MAP3K20: variants seen among roughly 807,000 people sequenced by gnomAD.
MAP3K20 encodes the protein HCCS-4.
Under a neutral mutation model 85.7 loss-of-function variants are expected in MAP3K20, and 40 were observed. That is an observed-to-expected ratio of 0.47 (90% CI 0.36 to 0.61). The LOEUF is 0.61. MAP3K20 is among the 20% of genes least tolerant of loss of function. The pLI, the probability that MAP3K20 is intolerant of heterozygous loss-of-function variation, is 0.00. For missense variants in MAP3K20, 817 were observed against 961.7 expected, an observed-to-expected ratio of 0.85 and a Z score of 1.99; for synonymous variants, 325 against 327.7, an observed-to-expected ratio of 0.99 and a Z score of 0.09.
At chr2:173,230,325 T>G (rs1574139584) in intron 12 of MAP3K20, among the ~76,000 whole-genome samples, 1 of 151,860 alleles carries the variant, frequency 6.6e-6, no homozygotes, top group South Asian at 2.1e-4. Context: ...GAAAAAAAAG[T>G]GATATTAAAT....
chr2:173,128,940 T>TTTTTTTTTC (rs1688527487), intron 2 of MAP3K20, among the ~76,000 whole-genome samples: 1 of 149,278 alleles, frequency 6.7e-6, no homozygotes. Context: ...TTTTTTTTTT[T>TTTTTTTTTC]GAGGCAGAGT....
intron 14 of MAP3K20, among the ~76,000 whole-genome samples, chr2:173,236,412 G>T (rs1292529132): frequency 1.3e-5 from 2 of 152,030 alleles, no homozygotes; most frequent in African/African-American, 4.8e-5. Flanking sequence ...CCACTAGAGT[G>T]GAGTCAGTGT....
rs1327945881 is a variant in MAP3K20, at chr2:173,199,475, T to C, written c.669+1363T>C. Among the ~76,000 whole-genome samples, 4 of 152,370 alleles carry C rather than the reference T, an allele frequency of 2.6e-5. No homozygotes were observed. In the South Asian group the frequency reaches 6.2e-4, roughly 24 times the overall value. ...GATCTTACACACAGGATGACTGATA[T>C]TGTCGTCATATGAGGAAACACTTGT... On this transcript the variant is annotated intron_variant, in intron 8 of 19. Transcript: ENST00000375213.
At chr2:173,121,956 C>G (rs1481451254) in intron 2 of MAP3K20, among the ~76,000 whole-genome samples, 1 of 152,134 alleles carries the variant, frequency 6.6e-6, no homozygotes, top group Non-Finnish European at 1.5e-5. Context: ...CTTGGGGTGG[C>G]TGGGAAGGAG....
At chr2:173,106,566 A>G (rs1307712168) in intron 2 of MAP3K20, among the ~76,000 whole-genome samples, 1 of 152,214 alleles carries the variant, frequency 6.6e-6, no homozygotes, top group East Asian at 1.9e-4. Context: ...TTCTTCAGCC[A>G]TATTCAGCTC....
At chr2:173,235,528 G>A (rs1385172320) in intron 14 of MAP3K20, among the ~76,000 whole-genome samples, 1 of 152,188 alleles carries the variant, frequency 6.6e-6, no homozygotes, top group Non-Finnish European at 1.5e-5. Context: ...CTGAATAGGC[G>A]AATCCATAGA....
intron 7 of MAP3K20, among the ~76,000 whole-genome samples, chr2:173,197,261 C>G (rs193004538): frequency 1.3e-5 from 2 of 152,234 alleles, no homozygotes; most frequent in East Asian, 3.9e-4. Flanking sequence ...CAGCAGTATT[C>G]CTAGCATCAA....
chr2:173,149,517 A>ATTT (rs1372219472), intron 2 of MAP3K20, among the ~76,000 whole-genome samples: 120 of 124,594 alleles, frequency 9.6e-4, no homozygotes, highest in Non-Finnish European at 1.8e-3. Context: ...TTTTTTTTTA[A>ATTT]AAAAAACCCT....
chr2:173,265,344 A>G (rs893736299), intron 19 of MAP3K20, among the ~76,000 whole-genome samples: 1 of 152,244 alleles, frequency 6.6e-6, no homozygotes, highest in African/African-American at 2.4e-5. Context: ...ATTCACTGAA[A>G]TATAGCTTAC....
At chr2:173,080,598 C>T (rs1686987040) in intron 1 of MAP3K20, among the ~76,000 whole-genome samples, 1 of 152,192 alleles carries the variant, frequency 6.6e-6, no homozygotes, top group South Asian at 2.1e-4. Flanking sequence ...GACCTAATCA[C>T]CTCTTAAAGG....
chr2:173,105,247 T>C (rs1687750848), intron 2 of MAP3K20, among the ~76,000 whole-genome samples: 1 of 152,134 alleles, frequency 6.6e-6, no homozygotes, highest in African/African-American at 2.4e-5. Flanking sequence ...TGTCTGGGGC[T>C]AGGAAGGTTG....
chr2:173,139,437 G>A lies in MAP3K20; in HGVS notation c.160-30368G>A, dbSNP rs557609430. ...AGAAAGTTCTTCTCTGAGTTATTCT[G>A]AGTCTATACCATATGCTGTCTAACA... is the stretch of plus-strand genomic sequence containing the variant. On this transcript the variant is annotated intron_variant, in intron 2 of 19. Transcript: ENST00000375213. Among the ~76,000 whole-genome samples the A allele has an allele frequency of 5.3e-5, 8 of 152,268 alleles. No homozygotes were observed. In the South Asian group the frequency reaches 1.7e-3, roughly 32 times the overall value.
chr2:173,085,515 A>G (rs1403541520), intron 1 of MAP3K20, among the ~76,000 whole-genome samples: 1 of 152,096 alleles, frequency 6.6e-6, no homozygotes, highest in African/African-American at 2.4e-5. Flanking sequence ...GAAAACTTTA[A>G]ATTAAAAATT....
At chr2:173,254,021 A>C (rs1685100094) in intron 16 of MAP3K20, among the ~76,000 whole-genome samples, 1 of 150,254 alleles carries the variant, frequency 6.7e-6, no homozygotes, top group Non-Finnish European at 1.5e-5. Context: ...CAGTGAGCTG[A>C]GATTGCACCA....
upstream of MAP3K20, chr2:173,075,770 C>T: frequency 3.0e-6 from 3 of 985,302 alleles, no homozygotes; most frequent in Non-Finnish European, 3.6e-6. Flanking sequence ...GCCCCGCTCG[C>T]CCGCGCGTGT....
At chr2:173,148,023 C>T (rs534974927) in intron 2 of MAP3K20, among the ~76,000 whole-genome samples, 8 of 152,038 alleles carry the variant, frequency 5.3e-5, no homozygotes, top group African/African-American at 9.7e-5. Context: ...TGACTTTGAC[C>T]GAGAAGCATT....
rs779420827 is a variant in MAP3K20, at chr2:173,182,997, A to T, written c.349+42A>T. The T allele has an allele frequency of 1.1e-5, 16 of 1,493,356 alleles. No individual in the cohort carries two copies. The South Asian group carries it at 2.0e-4, about 18-fold the overall frequency. The allele number at this position is 1,493,356 out of a possible 1,614,324, so 92.5% of individuals were successfully genotyped here. A position where few individuals can be genotyped will look rare whatever the true frequency, so the allele number is the denominator to read the frequency against. On this transcript the variant is annotated intron_variant, in intron 4 of 19. Transcript: ENST00000375213. Reference sequence around the variant, plus strand: ...TATTCTTATAGAATTAGTGGGGTGCATTTTCCCCTCCTGAAATGGGGACTT... The same window carrying T: ...TATTCTTATAGAATTAGTGGGGTGCTTTTTCCCCTCCTGAAATGGGGACTT...
At chr2:173,080,177 T>C (rs1372187405) in intron 1 of MAP3K20, among the ~76,000 whole-genome samples, 1 of 152,260 alleles carries the variant, frequency 6.6e-6, no homozygotes, top group Non-Finnish European at 1.5e-5. Context: ...CTGTTATATA[T>C]GCAGTCCATT....
intron 9 of MAP3K20, among the ~76,000 whole-genome samples, chr2:173,207,288 T>C (rs762044980): frequency 5.3e-5 from 8 of 151,934 alleles, no homozygotes; most frequent in Non-Finnish European, 1.5e-5. Context: ...AGCTCAGGAG[T>C]TGGACACCAG....
Sources: gnomAD v4.1 joint callset for allele counts (sites outside exome capture counted in the v4.1 genomes callset) on GRCh38, gnomAD v4.1.1 for gene constraint, MANE v1.5 for transcripts, NCBI Gene and HGNC (gene_info 2026-07-23, HGNC 2026-07-21) for gene names.